Variants in CHAT observed in about 807,000 individuals in gnomAD.
CHAT encodes the protein choline O-acetyltransferase, also known as acetyl CoA:choline O-acetyltransferase.
In CHAT, 61 loss-of-function variants were observed where a neutral mutation model predicts 76.9. The ratio of observed to expected loss-of-function variants is 0.79; its 90% confidence interval spans 0.65 to 0.98. The LOEUF (loss-of-function observed/expected upper bound fraction) is 0.98. Ranked by LOEUF, CHAT falls within the 50% of genes least tolerant of loss-of-function variation. The pLI is 0.00. For synonymous variants in CHAT, 407 were observed against 397.4 expected (o/e 1.02, Z -0.29); for missense variants, 946 against 986.9 (o/e 0.96, Z 0.56).
chr10:49,660,969 C>G lies in CHAT; in HGVS notation c.1840-1676C>G, dbSNP rs1347902075. ...GTCCAGAGCCCCCATCACTTACTCTCCCACTTCTATGTTTTCCCTTCCTCA... is the reference window on the plus strand; with the variant it reads ...GTCCAGAGCCCCCATCACTTACTCTGCCACTTCTATGTTTTCCCTTCCTCA... On this transcript the variant is annotated intron_variant, in intron 13 of 14. Transcript: ENST00000337653. 2.6e-5 allele frequency among the ~76,000 whole-genome samples: 4 copies of G among 152,176 alleles called. No homozygotes were observed. The East Asian group carries it at 7.7e-4, about 29-fold the overall frequency.
At chr10:49,612,902 C>T (rs1256096616), upstream of CHAT, among the ~76,000 whole-genome samples, 5 of 152,240 alleles carry the variant, frequency 3.3e-5, no homozygotes, top group African/African-American at 1.2e-4. Flanking sequence ...AAGGCTGTCA[C>T]CCACGGTCAC....
intron 10 of CHAT, chr10:49,651,627 C>T (rs2132819372): frequency 6.3e-6 from 3 of 477,318 alleles, no homozygotes; most frequent in Middle Eastern, 1.2e-3. Context: ...TCCCCACCCA[C>T]TCTCCAGAGC....
In CHAT at chr10:49,651,872, T is replaced by C; in HGVS notation, c.1512-12T>C. On this transcript the variant is annotated splice_polypyrimidine_tract_variant and intron_variant, in intron 10 of 14. Coordinates refer to ENST00000337653, the MANE Select transcript of CHAT (RefSeq NM_020549.5). ...GCATGCAATAAAAACATCTTTTCTT[T>C]TTCTTCCTCAGAATAGTAAAGAACC... 6.2e-7 allele frequency: 1 copy of C among 1,612,702 alleles called. No homozygotes were observed.
intron 8 of CHAT, among the ~76,000 whole-genome samples, chr10:49,647,378 C>T (rs1220271196): frequency 6.6e-6 from 1 of 152,176 alleles, no homozygotes; most frequent in African/African-American, 2.4e-5. Flanking sequence ...AATCCTGAAC[C>T]TAGTCTTGTT....
rs558706877 is a variant in CHAT, at chr10:49,625,799, T to A, written c.933+146T>A. On this transcript the variant is annotated intron_variant, in intron 6 of 14. Transcript: ENST00000337653. ...CACCATGTCTCCAAAGTGGGGCCCC[T>A]ACTTCCAGTCAGTCCCATGTCTCTC... 7.5e-6 allele frequency: 6 copies of A among 799,878 alleles called. No individual in the cohort carries two copies. In the African/African-American group the frequency reaches 1.0e-4, roughly 13 times the overall value. 49.5% of individuals were successfully genotyped at this position (799,878 alleles called of 1,614,324 possible). A position where few individuals can be genotyped will look rare whatever the true frequency, so the allele number is the denominator to read the frequency against.
chr10:49,637,551 T>G (rs1045656847), intron 7 of CHAT: 1 of 152,402 alleles, frequency 6.6e-6, no homozygotes, highest in Non-Finnish European at 1.5e-5. Flanking sequence ...AGTCCCCCCC[T>G]TGTTCTCTGT....
Position 49,655,517 on chromosome 10 carries a change from C to T in CHAT, c.1839+69C>T, listed in dbSNP as rs1429203947. 29 of 1,469,582 alleles carry T rather than the reference C, an allele frequency of 2.0e-5. 1 individual carries two copies. The highest frequency in any genetic ancestry group is 2.7e-5 in the Non-Finnish European group (28 of 1,050,480). The allele number at this position is 1,469,582 out of a possible 1,614,324, so 91.0% of individuals were successfully genotyped here. On this transcript the variant is annotated intron_variant, in intron 13 of 14. Coordinates refer to ENST00000337653, the MANE Select transcript of CHAT (RefSeq NM_020549.5). Reference sequence around the variant, plus strand: ...GCCTGGGGCCTGCCAGAATGGGCACCACGGCATAAGACCCTGTGTGAGGGC... The same window carrying T: ...GCCTGGGGCCTGCCAGAATGGGCACTACGGCATAAGACCCTGTGTGAGGGC...
At chr10:49,640,188 T>C (rs542680804) in intron 7 of CHAT, among the ~76,000 whole-genome samples, 4 of 152,194 alleles carry the variant, frequency 2.6e-5, no homozygotes, top group African/African-American at 9.6e-5. Context: ...ATTTATTTAT[T>C]TGAGACGGAG....
At chr10:49,633,890 A>G (rs990848931) in intron 7 of CHAT, among the ~76,000 whole-genome samples, 18 of 152,172 alleles carry the variant, frequency 1.2e-4, no homozygotes, top group Admixed American at 1.2e-3. Context: ...CAAGGAGGGA[A>G]CTGACAGAAG....
Position 49,614,390 on chromosome 10 carries a change from C to A in CHAT, c.201C>A (p.Pro67=), listed in dbSNP as rs978684444. The change falls in exon 1 of 15, where the codon CCC becomes CCA. Residue 67 remains proline (P), a synonymous_variant. Coordinates refer to ENST00000337653, the MANE Select transcript of CHAT (RefSeq NM_020549.5). ...CSPHPRAATR[P]PPLPAHTPAH... ...CCCACCCCCGCGCTGCGACACGCCC[C>A]CCACCCCTTCCGGCTCACACCCCCG... The A allele has an allele frequency of 1.6e-5, 24 of 1,546,102 alleles. No homozygotes were observed. The highest frequency in any genetic ancestry group is 2.3e-4 in the Middle Eastern group (1 of 4,358).
In CHAT at chr10:49,656,615, C is replaced by T. The variant is rs115490092; in HGVS notation, c.1839+1167C>T. 4.2e-3 allele frequency among the ~76,000 whole-genome samples: 646 copies of T among 152,260 alleles called. 7 individuals carry two copies. The highest frequency in any genetic ancestry group is 0.015 in the African/African-American group (617 of 41,544). On this transcript the variant is annotated intron_variant, in intron 13 of 14. Transcript: ENST00000337653. The stretch of plus-strand genomic sequence containing the variant: ...GAAAGATGGCTCAAGAAGGGCACCA[C>T]GTGCAAAGACTGAGAGCCTTAAGAG...
intron 7 of CHAT, among the ~76,000 whole-genome samples, chr10:49,640,598 C>G (rs563831489): frequency 1.2e-4 from 18 of 152,254 alleles, no homozygotes; most frequent in Admixed American, 2.0e-4. Context: ...ATAGAATTCT[C>G]AGCTTCCATC....
intron 2 of CHAT, among the ~76,000 whole-genome samples, chr10:49,617,506 T>C (rs1189754021): frequency 6.6e-6 from 1 of 152,220 alleles, no homozygotes; most frequent in African/African-American, 2.4e-5. Context: ...CAGGAGAGTC[T>C]GGGGAGGATC....
chr10:49,625,961 G>T (rs1324845117), intron 6 of CHAT, among the ~76,000 whole-genome samples: 2 of 152,162 alleles, frequency 1.3e-5, no homozygotes, highest in African/African-American at 2.4e-5. Flanking sequence ...AGTCACCCAG[G>T]CTCTGGCCTT....
At position 49,665,171 on chromosome 10, in the gene CHAT, C is replaced by A; in HGVS notation, c.*125C>A. On this transcript the variant is annotated 3_prime_UTR_variant, in exon 15 of 15. Coordinates refer to ENST00000337653, the MANE Select transcript of CHAT (RefSeq NM_020549.5). ...TGTCCTCAGGGTCCAACTCACAGAC[C>A]ATACAGAGACATCACACAGAGCCGG... 1.0e-6 allele frequency: 1 copy of A among 985,112 alleles called. No individual in the cohort carries two copies. Among genetic ancestry groups the A allele is most frequent in the Non-Finnish European group, 1.6e-6 (1 of 624,318 alleles). 61.0% of individuals were successfully genotyped at this position (985,112 alleles called of 1,614,324 possible).
At chr10:49,610,853 T>C (rs1289658180), upstream of CHAT, 1 of 1,612,522 alleles carries the variant, frequency 6.2e-7, no homozygotes, top group East Asian at 2.2e-5. Context: ...GTGCTTGTTA[T>C]CGTGTGCGTG....
intron 1 of CHAT, chr10:49,615,920 G>A (rs766282922): frequency 7.1e-6 from 7 of 984,092 alleles, no homozygotes; most frequent in African/African-American, 4.8e-5. Flanking sequence ...CCCTGCCCTG[G>A]CCACAGGCCA....
At position 49,615,796 on chromosome 10, in the gene CHAT, C is replaced by T. The variant is rs544568849; in HGVS notation, c.287-706C>T. 391 of 550,498 alleles carry T rather than the reference C, an allele frequency of 7.1e-4. 3 individuals carry two copies. In the Admixed American group the frequency reaches 9.7e-3, roughly 14 times the overall value. The allele number at this position is 550,498 out of a possible 1,614,324, so 34.1% of individuals were successfully genotyped here. On this transcript the variant is annotated intron_variant, in intron 1 of 14. Coordinates refer to ENST00000337653, the MANE Select transcript of CHAT (RefSeq NM_020549.5). ...ACTAAGGCAGGTGGCCCCTAGGGGC[C>T]CTGGCTGCCCAGCCTCCCTGCATAC...
At chr10:49,639,994 G>C (rs991044705) in intron 7 of CHAT, among the ~76,000 whole-genome samples, 1 of 151,830 alleles carries the variant, frequency 6.6e-6, no homozygotes, top group Admixed American at 6.6e-5. Flanking sequence ...TTCTATATTG[G>C]TTATTCTATT....
Sources: gnomAD v4.1 joint callset for allele counts (sites outside exome capture counted in the v4.1 genomes callset) on GRCh38, gnomAD v4.1.1 for gene constraint, MANE v1.5 for transcripts, NCBI Gene and HGNC (gene_info 2026-07-23, HGNC 2026-07-21) for gene names.